EYS: variants seen among roughly 807,000 people sequenced by gnomAD.
EYS encodes EGF-like photoreceptor maintenance factor, also known as protein eyes shut homolog.
A neutral mutation model predicts 282.1 loss-of-function variants in EYS; 250 were observed. The observed-to-expected ratio is 0.89, with a 90% CI of 0.80 to 0.98. The LOEUF (loss-of-function observed/expected upper bound fraction) is 0.98. Ranked by LOEUF, EYS falls within the 50% of genes least tolerant of loss-of-function variation. The pLI is 0.00. For missense variants in EYS, 4,016 were observed against 3,709.0 expected, an observed-to-expected ratio of 1.08 and a Z score of -2.15; for synonymous variants, 1,355 against 1,282.9, an observed-to-expected ratio of 1.06 and a Z score of -1.20.
rs572011262 is a variant in EYS at position 65,595,003 on chromosome 6, G to A, written c.-333+44775C>T. On this transcript the variant is annotated intron_variant, in intron 2 of 42. Coordinates refer to ENST00000503581, the MANE Select transcript of EYS (RefSeq NM_001142800.2). ...GTGTGGTATTATTTCTGAGGGCTCT[G>A]TTCTGTTCCATTGGTCTGTATCTCT... is the stretch of plus-strand genomic sequence containing the variant. 3.5e-4 allele frequency among the ~76,000 whole-genome samples: 53 copies of A among 152,102 alleles called. 1 individual carries two copies. In the South Asian group the frequency reaches 9.8e-3, roughly 28 times the overall value.
chr6:64,476,889 G>A (rs1298127670), intron 26 of EYS, among the ~76,000 whole-genome samples: 1 of 152,046 alleles, frequency 6.6e-6, no homozygotes, highest in Non-Finnish European at 1.5e-5. Flanking sequence ...ACTTGATGTT[G>A]TTTAGGGAAG....
chr6:64,156,069 ATATATAT>A (rs1394469587), intron 31 of EYS, among the ~76,000 whole-genome samples: 1 of 149,670 alleles, frequency 6.7e-6, no homozygotes, highest in East Asian at 2.0e-4. Flanking sequence ...TGTATTATAT[ATATATAT>A]TATATATATA....
intron 30 of EYS, among the ~76,000 whole-genome samples, chr6:64,306,487 C>CTTTA (rs1769449225): frequency 6.6e-6 from 1 of 152,158 alleles, no homozygotes; most frequent in Non-Finnish European, 1.5e-5. Flanking sequence ...TGTGTTATCT[C>CTTTA]TTTAGTTCAC....
At chr6:64,344,325 C>T (rs891294406) in intron 29 of EYS, among the ~76,000 whole-genome samples, 4 of 151,740 alleles carry the variant, frequency 2.6e-5, no homozygotes, top group Non-Finnish European at 4.4e-5. Flanking sequence ...ACTGGCAAAC[C>T]GAATCCAGCA....
At chr6:64,840,922 G>A (rs976369545) in intron 19 of EYS, among the ~76,000 whole-genome samples, 11 of 152,032 alleles carry the variant, frequency 7.2e-5, no homozygotes, top group Admixed American at 5.9e-4. Flanking sequence ...AATAGACAAA[G>A]AACTACACAG....
intron 26 of EYS, among the ~76,000 whole-genome samples, chr6:64,529,494 CA>C (rs2150530697): frequency 6.6e-6 from 1 of 152,072 alleles, no homozygotes. Context: ...AGTGGAGTCC[CA>C]AGAACATTGA....
chr6:65,573,373 A>G (rs1764547792), intron 2 of EYS, among the ~76,000 whole-genome samples: 2 of 152,192 alleles, frequency 1.3e-5, no homozygotes. Flanking sequence ...TGGTCTCCAC[A>G]AGTCTGCTCT....
chr6:64,626,340 A>G, intron 22 of EYS, 95 bp from the exon 23 acceptor site: 1 of 1,431,384 alleles, frequency 7.0e-7, no homozygotes, highest in Non-Finnish European at 9.2e-7. Context: ...ACGTGTTTTC[A>G]GAGCTCCAAC....
chr6:65,110,885 TC>T (rs1371492431), intron 12 of EYS, among the ~76,000 whole-genome samples: 1 of 151,990 alleles, frequency 6.6e-6, no homozygotes, highest in Non-Finnish European at 1.5e-5. Flanking sequence ...TAGTAATAAC[TC>T]CGGTTATAGC....
chr6:65,313,116 C>T (rs1350607146), intron 11 of EYS, among the ~76,000 whole-genome samples: 1 of 152,110 alleles, frequency 6.6e-6, no homozygotes, highest in South Asian at 2.1e-4. Flanking sequence ...GTCTAGATGG[C>T]CCTGGCCTAT....
chr6:64,666,887 G>A (rs886490276), intron 22 of EYS, among the ~76,000 whole-genome samples: 3 of 152,100 alleles, frequency 2.0e-5, no homozygotes, highest in Non-Finnish European at 2.9e-5. Flanking sequence ...TCCTTTGAGA[G>A]TGTTTGAAAT....
intron 8 of EYS, among the ~76,000 whole-genome samples, chr6:65,380,142 A>G (rs1463124349): frequency 1.3e-5 from 2 of 152,280 alleles, no homozygotes; most frequent in Middle Eastern, 3.4e-3. Context: ...ATGCAACAAA[A>G]AAAAGGCCAT....
At chr6:64,863,360 G>A (rs376949950) in intron 19 of EYS, among the ~76,000 whole-genome samples, 17 of 151,732 alleles carry the variant, frequency 1.1e-4, no homozygotes, top group African/African-American at 4.1e-4. Context: ...AAACATTTTT[G>A]CAATATCTGT....
intron 31 of EYS, among the ~76,000 whole-genome samples, chr6:64,083,482 C>T (rs1377677409): frequency 3.3e-5 from 5 of 152,096 alleles, no homozygotes; most frequent in Non-Finnish European, 7.3e-5. Flanking sequence ...TTTTTATCAC[C>T]TCTCCTAAGG....
intron 11 of EYS, among the ~76,000 whole-genome samples, chr6:65,306,832 C>CTAAAAAAAAAAAAAAAAAAAAAAAA (rs1769020357): frequency 1.9e-5 from 1 of 51,736 alleles, no homozygotes; most frequent in Non-Finnish European, 3.3e-5. Flanking sequence ...GAGTCCGTCT[C>CTAAAAAAAAAAAAAAAAAAAAAAAA]AAAAAAAAAA....
chr6:65,310,968 T>C (rs1769140267), intron 11 of EYS, among the ~76,000 whole-genome samples: 1 of 152,188 alleles, frequency 6.6e-6, no homozygotes, highest in African/African-American at 2.4e-5. Flanking sequence ...ACTTTTCCTG[T>C]CGTGTTCACT....
intron 1 of EYS, among the ~76,000 whole-genome samples, chr6:65,666,348 C>T (rs895869317): frequency 2.0e-4 from 30 of 151,734 alleles, no homozygotes; most frequent in South Asian, 2.1e-4. Context: ...ACTTTGGAGC[C>T]AGAATAATCT....
rs145777115 is a variant in EYS, at chr6:64,702,777, T to C, written c.3444-76532A>G. Among the ~76,000 whole-genome samples, 22 of 152,292 alleles carry C rather than the reference T, an allele frequency of 1.4e-4. No homozygotes were observed. In the East Asian group the frequency reaches 4.2e-3, roughly 29 times the overall value. On this transcript the variant is annotated intron_variant, in intron 22 of 42. Coordinates refer to ENST00000503581, the MANE Select transcript of EYS (RefSeq NM_001142800.2). Reference sequence around the variant, plus strand: ...TATACTCTGTACTATGCACTGTGAATACAGACATAAATATTTAAAACCATA... The same window carrying C: ...TATACTCTGTACTATGCACTGTGAACACAGACATAAATATTTAAAACCATA...
intron 41 of EYS, among the ~76,000 whole-genome samples, chr6:63,750,938 G>T (rs1210581100): frequency 6.6e-6 from 1 of 152,176 alleles, no homozygotes; most frequent in African/African-American, 2.4e-5. Flanking sequence ...CTTTTAAAGT[G>T]TAACTTTTTC....
Sources: gnomAD v4.1 joint callset for allele counts (sites outside exome capture counted in the v4.1 genomes callset) on GRCh38, gnomAD v4.1.1 for gene constraint, MANE v1.5 for transcripts, NCBI Gene and HGNC (gene_info 2026-07-23, HGNC 2026-07-21) for gene names.